The following DNAH11 variants were observed in gnomAD, a reference collection of about 807,000 sequenced individuals.
The protein encoded by DNAH11 is dynein axonemal heavy chain 11.
DNAH11 carries 442 observed loss-of-function variants against 526.0 expected under a neutral mutation model. That is an observed-to-expected ratio of 0.84 (90% CI 0.78 to 0.91). DNAH11 has a LOEUF of 0.91. Among genes scored for constraint, DNAH11 ranks in the 40% least tolerant of loss-of-function variants. DNAH11 has a pLI of 0.00. For missense variants in DNAH11, 6,989 were observed against 5,448.7 expected (o/e 1.28, Z -8.90); for synonymous variants, 2,461 against 1,935.9 (o/e 1.27, Z -7.12).
chr7:21,771,278 G>C (rs1787423620), intron 55 of DNAH11, among the ~76,000 whole-genome samples: 1 of 152,152 alleles, frequency 6.6e-6, no homozygotes, highest in Admixed American at 6.5e-5. Context: ...CATCTTTGCT[G>C]GTCTTGGGAA....
rs374909065 is a variant in DNAH11, at chr7:21,707,794, T to A, written c.6642T>A (p.Phe2214Leu). The change falls in exon 40 of 82, where the codon TTT becomes TTA. Residue 2214 changes from phenylalanine to leucine, a missense_variant. By Grantham distance (22) the Phe-to-Leu change is conservative. Coordinates refer to ENST00000409508, the MANE Select transcript of DNAH11 (RefSeq NM_001277115.2). ...AAGCTGTGACAACAGATGAACTCTT[T>A]GGTTTCATACATCATGCTACCCGAG... is the stretch of plus-strand genomic sequence containing the variant. Reference protein sequence around the residue: ...NPKAVTTDELFGFIHHATREW... With the variant: ...NPKAVTTDELLGFIHHATREW... The A allele has an allele frequency of 6.2e-7, 1 of 1,611,640 alleles. No homozygotes were observed. Among genetic ancestry groups the A allele is most frequent in the East Asian group, 2.2e-5 (1 of 44,814 alleles).
chr7:21,898,804 T>C (rs1015012675), intron 79 of DNAH11, among the ~76,000 whole-genome samples: 1 of 152,218 alleles, frequency 6.6e-6, no homozygotes, highest in East Asian at 1.9e-4. Flanking sequence ...GTTTTCCTAA[T>C]TAACCTTTTT....
intron 79 of DNAH11, 27 bp downstream of exon 79, chr7:21,895,026 TG>T: frequency 6.3e-7 from 1 of 1,591,504 alleles, no homozygotes; most frequent in South Asian, 1.1e-5. Context: ...TCACTGCCAC[TG>T]GCCCTGAGCA....
intron 28 of DNAH11, among the ~76,000 whole-genome samples, chr7:21,650,197 G>T (rs1787562706): frequency 6.6e-6 from 1 of 152,060 alleles, no homozygotes. Context: ...AACCTTATAT[G>T]CACTGATATA....
intron 56 of DNAH11, among the ~76,000 whole-genome samples, chr7:21,774,701 G>A (rs914896179): frequency 6.6e-6 from 1 of 152,206 alleles, no homozygotes; most frequent in South Asian, 2.1e-4. Flanking sequence ...TTAGACCCAG[G>A]TCTGTGTTGC....
intron 56 of DNAH11, 54 bp from the exon 57 acceptor site, chr7:21,778,903 CT>C: frequency 6.3e-7 from 1 of 1,583,174 alleles, no homozygotes; most frequent in South Asian, 1.1e-5. Context: ...TAAGCTCTAT[CT>C]GGGATTTGTT....
In DNAH11 at chr7:21,900,865, C is replaced by G. The variant is rs1784773285; in HGVS notation, c.13304-142C>G. ...ACCTACCTTTCAAAGCTCAGTCCGG[C>G]CAGCTCAGTAAAAATACCACTGACA... On this transcript the variant is annotated intron_variant, in intron 81 of 81. Coordinates refer to ENST00000409508, the MANE Select transcript of DNAH11 (RefSeq NM_001277115.2). 2.2e-6 allele frequency: 3 copies of G among 1,379,148 alleles called. No homozygotes were observed. The African/African-American group carries it at 4.4e-5, about 20-fold the overall frequency. The allele number at this position is 1,379,148 out of a possible 1,614,324, so 85.4% of individuals were successfully genotyped here.
At chr7:21,796,877 A>G (rs763358704) in intron 61 of DNAH11, among the ~76,000 whole-genome samples, 2 of 152,236 alleles carry the variant, frequency 1.3e-5, no homozygotes, top group South Asian at 2.1e-4. Context: ...TAGAGGATCA[A>G]TAACTGTTAG....
intron 36 of DNAH11, among the ~76,000 whole-genome samples, chr7:21,701,947 C>T (rs144265076): frequency 3.3e-5 from 5 of 152,162 alleles, no homozygotes; most frequent in East Asian, 1.9e-4. Context: ...GGGCCAGTCC[C>T]GTGTAAGCAG....
At chr7:21,834,517 GA>G (rs1312153554) in intron 65 of DNAH11, among the ~76,000 whole-genome samples, 2 of 152,032 alleles carry the variant, frequency 1.3e-5, no homozygotes, top group Non-Finnish European at 2.9e-5. Context: ...GAGAATAAAA[GA>G]AATACAAAAG....
rs1786003234 is a variant in DNAH11 at position 21,620,641 on chromosome 7, G to A, written c.4500+563G>A. Among the ~76,000 whole-genome samples the A allele has an allele frequency of 3.3e-5, 5 of 151,266 alleles. No homozygotes were observed. The South Asian group carries it at 8.4e-4, about 25-fold the overall frequency. ...AGGTTAGTTACATATGTATACATGTGCCATGCTGGTGTGCTGCACCCATTA... is the reference window on the plus strand; with the variant it reads ...AGGTTAGTTACATATGTATACATGTACCATGCTGGTGTGCTGCACCCATTA... On this transcript the variant is annotated intron_variant, in intron 25 of 81. Coordinates refer to ENST00000409508, the MANE Select transcript of DNAH11 (RefSeq NM_001277115.2).
intron 25 of DNAH11, among the ~76,000 whole-genome samples, chr7:21,630,195 A>G (rs970376501): frequency 6.6e-6 from 1 of 152,110 alleles, no homozygotes; most frequent in Non-Finnish European, 1.5e-5. Context: ...AAAAATGAAG[A>G]AGAAACTCCA....
chr7:21,866,912 A>G (rs1583790394), intron 71 of DNAH11, among the ~76,000 whole-genome samples: 1 of 152,218 alleles, frequency 6.6e-6, no homozygotes, highest in East Asian at 1.9e-4. Flanking sequence ...CAGGGGACTG[A>G]TGGAAATATT....
rs576171109 is a variant in DNAH11 at position 21,627,243 on chromosome 7, G to A, written c.4500+7165G>A. Among the ~76,000 whole-genome samples the A allele has an allele frequency of 3.3e-5, 5 of 152,212 alleles. No homozygotes were observed. In the East Asian group the frequency reaches 7.7e-4, roughly 24 times the overall value. Reference sequence around the variant, plus strand: ...AGTTTGGCTATTCACTTCGTTAATTGTTTCTATTGCTGTGCAGAAGCATTT... The same window carrying A: ...AGTTTGGCTATTCACTTCGTTAATTATTTCTATTGCTGTGCAGAAGCATTT... On this transcript the variant is annotated intron_variant, in intron 25 of 81. Coordinates refer to ENST00000409508, the MANE Select transcript of DNAH11 (RefSeq NM_001277115.2).
intron 42 of DNAH11, among the ~76,000 whole-genome samples, chr7:21,717,488 T>A (rs1784711470): frequency 6.6e-6 from 1 of 152,206 alleles, no homozygotes; most frequent in Non-Finnish European, 1.5e-5. Flanking sequence ...CATAGTGCAC[T>A]TCCTCATAAA....
chr7:21,880,114 AAAAG>A (rs1240025019), intron 74 of DNAH11, among the ~76,000 whole-genome samples: 2 of 151,906 alleles, frequency 1.3e-5, no homozygotes, highest in Non-Finnish European at 2.9e-5. Flanking sequence ...AAGAAAGAAA[AAAAG>A]GGAAGAGTGA....
chr7:21,872,139 A>AAAAAACAAACAAAC (rs1554291081), intron 73 of DNAH11, among the ~76,000 whole-genome samples: 1 of 113,960 alleles, frequency 8.8e-6, no homozygotes, highest in African/African-American at 5.1e-5. Context: ...AAAAAAAAAA[A>AAAAAACAAACAAAC]AAAAAAAAAA....
At chr7:21,628,262 C>T (rs1786444848) in intron 25 of DNAH11, among the ~76,000 whole-genome samples, 1 of 151,956 alleles carries the variant, frequency 6.6e-6, no homozygotes, top group African/African-American at 2.4e-5. Context: ...CTTCTACCTT[C>T]CAGTTTGAAT....
intron 43 of DNAH11, among the ~76,000 whole-genome samples, chr7:21,720,014 A>T (rs1784814933): frequency 6.6e-5 from 10 of 152,242 alleles, no homozygotes; most frequent in Admixed American, 6.5e-4. Context: ...AACTGCCCTA[A>T]GCATGGGCTA....
Sources: allele counts gnomAD v4.1 joint callset (sites outside exome capture counted in the v4.1 genomes callset), GRCh38; gene constraint gnomAD v4.1.1; transcripts MANE v1.5; gene names NCBI Gene and HGNC (gene_info 2026-07-23, HGNC 2026-07-21).